RAD51B: variants seen among roughly 807,000 people sequenced by gnomAD.
The protein encoded by RAD51B is DNA repair protein RAD51 homolog 2.
In RAD51B, 38 loss-of-function variants were observed where a neutral mutation model predicts 42.2. That is an observed-to-expected ratio of 0.90 (90% CI 0.70 to 1.18). The LOEUF is 1.18. Among genes scored for constraint, RAD51B ranks in the 50% most tolerant of loss-of-function variants. The probability of loss-of-function intolerance (pLI) is 0.00; values close to 1 mark genes in which losing one functional copy is unlikely to be tolerated. For synonymous variants in RAD51B, 154 were observed against 145.2 expected (o/e 1.06, Z -0.43); for missense variants, 373 against 400.7 (o/e 0.93, Z 0.59).
intron 8 of RAD51B, among the ~76,000 whole-genome samples, chr14:68,311,249 C>T (rs886345008): frequency 1.3e-5 from 2 of 152,106 alleles, no homozygotes; most frequent in Admixed American, 1.3e-4. Context: ...ATGTATATGC[C>T]TTTTTTCCCT....
At chr14:68,333,843 A>G (rs1209609660) in intron 8 of RAD51B, among the ~76,000 whole-genome samples, 1 of 152,178 alleles carries the variant, frequency 6.6e-6, no homozygotes, top group Non-Finnish European at 1.5e-5. Flanking sequence ...TTAACCATAG[A>G]CACCTTGCTC....
intron 7 of RAD51B, among the ~76,000 whole-genome samples, chr14:68,144,072 C>T (rs1166346049): frequency 6.6e-6 from 1 of 152,018 alleles, no homozygotes; most frequent in Non-Finnish European, 1.5e-5. Context: ...AACATATTTA[C>T]CTAATGAGAG....
chr14:68,203,067 T>A (rs1199460789), intron 7 of RAD51B, among the ~76,000 whole-genome samples: 2 of 152,222 alleles, frequency 1.3e-5, no homozygotes, highest in African/African-American at 4.8e-5. Context: ...CTGTTTATGC[T>A]GATATTTTGA....
intron 8 of RAD51B, chr14:68,339,272 G>T: frequency 1.0e-6 from 1 of 960,688 alleles, no homozygotes; most frequent in Non-Finnish European, 1.6e-6. Context: ...GGTGGTCCAG[G>T]GCCTGGGTGA....
chr14:68,588,771 T>C (rs1197999032), intron 10 of RAD51B, among the ~76,000 whole-genome samples: 2 of 152,210 alleles, frequency 1.3e-5, no homozygotes, highest in Admixed American at 1.3e-4. Flanking sequence ...ATTGGAGTTT[T>C]AACCCACTTT....
At chr14:68,130,187 G>A (rs1390183989) in intron 7 of RAD51B, 1 of 152,216 alleles carries the variant, frequency 6.6e-6, no homozygotes, top group Non-Finnish European at 1.5e-5. Flanking sequence ...AACTCCTAGA[G>A]GTTGTTCTCT....
intron 7 of RAD51B, among the ~76,000 whole-genome samples, chr14:68,244,949 G>A (rs2080464629): frequency 6.6e-6 from 1 of 152,214 alleles, no homozygotes; most frequent in South Asian, 2.1e-4. Flanking sequence ...CATTTGGGTA[G>A]ATGAATGGCA....
intron 8 of RAD51B, among the ~76,000 whole-genome samples, chr14:68,397,247 A>G (rs941608029): frequency 8.5e-5 from 13 of 152,212 alleles, no homozygotes; most frequent in Non-Finnish European, 1.5e-4. Context: ...GTTCTGTCTC[A>G]TTTCTGGATA....
At chr14:68,479,938 C>T (rs187926906), downstream of RAD51B, among the ~76,000 whole-genome samples, 1 of 152,230 alleles carries the variant, frequency 6.6e-6, no homozygotes, top group Admixed American at 6.5e-5. Context: ...CTTCCCAGCT[C>T]AGCCTCCTAA....
chr14:68,158,178 A>G (rs1176829297), intron 7 of RAD51B, among the ~76,000 whole-genome samples: 2 of 152,196 alleles, frequency 1.3e-5, no homozygotes, highest in African/African-American at 4.8e-5. Context: ...AACTCAATGA[A>G]CAGGAACCAT....
chr14:68,596,563 A>G (rs1471493249), downstream of RAD51B, among the ~76,000 whole-genome samples: 1 of 152,234 alleles, frequency 6.6e-6, no homozygotes, highest in Admixed American at 6.5e-5. Flanking sequence ...TGTCTGGCTC[A>G]TAGGACCGTG....
chr14:68,112,241 C>T (rs1350319313), intron 7 of RAD51B, among the ~76,000 whole-genome samples: 3 of 152,028 alleles, frequency 2.0e-5, no homozygotes, highest in Non-Finnish European at 4.4e-5. Flanking sequence ...TCTCTTCTTC[C>T]ATTGAATTTT....
intron 7 of RAD51B, among the ~76,000 whole-genome samples, chr14:67,911,970 G>C (rs2043998491): frequency 6.6e-6 from 1 of 152,144 alleles, no homozygotes; most frequent in African/African-American, 2.4e-5. Context: ...TCATCCCCCT[G>C]CTATAGCTGT....
rs968236437 is a variant in RAD51B, at chr14:68,430,130, A to C, written c.957+18603A>C. On this transcript the variant is annotated intron_variant, in intron 9 of 10. Coordinates refer to ENST00000471583, the MANE Select transcript of RAD51B (RefSeq NM_133510.4). ...ATATCTCTGTTTTGGTACCAGTACC[A>C]TGCTGTTTTGGTTACTGTAGCTTTG... 2.6e-5 allele frequency among the ~76,000 whole-genome samples: 4 copies of C among 152,174 alleles called. 1 individual carries two copies. The South Asian group carries it at 8.3e-4, about 32-fold the overall frequency.
chr14:67,847,831 C>T (rs952059188), intron 4 of RAD51B, among the ~76,000 whole-genome samples: 1 of 152,040 alleles, frequency 6.6e-6, no homozygotes, highest in African/African-American at 2.4e-5. Context: ...TCCAGAGTTT[C>T]TTTGTTATTT....
chr14:68,073,126 A>G (rs1006636860), intron 7 of RAD51B, among the ~76,000 whole-genome samples: 1 of 152,170 alleles, frequency 6.6e-6, no homozygotes, highest in Non-Finnish European at 1.5e-5. Flanking sequence ...GGGTGTTGGA[A>G]GTTTCCCACT....
intron 3 of RAD51B, among the ~76,000 whole-genome samples, chr14:67,834,313 C>G (rs1449871811): frequency 6.7e-6 from 1 of 149,406 alleles, no homozygotes; most frequent in Non-Finnish European, 1.5e-5. Flanking sequence ...TTAACTTAAT[C>G]ACATCTGCAA....
intron 8 of RAD51B, among the ~76,000 whole-genome samples, chr14:68,373,862 G>A (rs967045013): frequency 1.3e-5 from 2 of 152,128 alleles, no homozygotes; most frequent in African/African-American, 4.8e-5. Context: ...ATACCACACT[G>A]CCTCTTATGT....
chr14:68,110,335 GTGTT>G (rs1331054168), intron 7 of RAD51B, among the ~76,000 whole-genome samples: 1 of 151,898 alleles, frequency 6.6e-6, no homozygotes, highest in Admixed American at 6.6e-5. Context: ...GAACTGAAAG[GTGTT>G]CATACTGTTC....
Sources: gnomAD v4.1 joint callset for allele counts (sites outside exome capture counted in the v4.1 genomes callset) on GRCh38, gnomAD v4.1.1 for gene constraint, MANE v1.5 for transcripts, NCBI Gene and HGNC (gene_info 2026-07-23, HGNC 2026-07-21) for gene names.